Variants in ENPP3 observed in about 807,000 individuals in gnomAD.
The protein encoded by ENPP3 is ectonucleotide pyrophosphatase/phosphodiesterase 3, also known as ectonucleotide pyrophosphatase/phosphodiesterase family member 3.
In ENPP3, 104 loss-of-function variants were observed where a neutral mutation model predicts 117.8. The observed-to-expected ratio is 0.88, with a 90% CI of 0.75 to 1.04. The LOEUF (loss-of-function observed/expected upper bound fraction) is 1.04. Ranked by LOEUF, ENPP3 falls within the 50% of genes least tolerant of loss-of-function variation. ENPP3 has a pLI of 0.00. For synonymous variants in ENPP3, 380 were observed against 349.9 expected (o/e 1.09, Z -0.96); for missense variants, 1,026 against 1,051.9 (o/e 0.98, Z 0.34).
chr6:131,690,061 C>T (rs762066455), intron 14 of ENPP3, among the ~76,000 whole-genome samples: 12 of 152,078 alleles, frequency 7.9e-5, no homozygotes, highest in African/African-American at 2.4e-4. Context: ...GTAAAGAAAG[C>T]GGTTTCTTGA....
chr6:131,692,285 A>G (rs1284825834), intron 14 of ENPP3, among the ~76,000 whole-genome samples: 1 of 152,070 alleles, frequency 6.6e-6, no homozygotes, highest in Non-Finnish European at 1.5e-5. Flanking sequence ...TTTCTTTTAC[A>G]TAAATAGATA....
At position 131,737,531 on chromosome 6, in the gene ENPP3, A is replaced by G. The variant is rs544250470; in HGVS notation, c.2167+99A>G. 1.1e-5 allele frequency: 8 copies of G among 701,862 alleles called. No homozygotes were observed. The East Asian group carries it at 1.8e-4, about 16-fold the overall frequency. The allele number at this position is 701,862 out of a possible 1,614,324, so 43.5% of individuals were successfully genotyped here. ...TTTTTAATTGCAATTTGTTCCTGAT[A>G]TTAAGGGTCATTTTGTTCTAATGGT... On this transcript the variant is annotated intron_variant, in intron 22 of 24. Coordinates refer to ENST00000357639, the MANE Select transcript of ENPP3 (RefSeq NM_005021.5).
intron 14 of ENPP3, among the ~76,000 whole-genome samples, chr6:131,687,414 A>G (rs1779176266): frequency 1.3e-5 from 2 of 152,242 alleles, no homozygotes. Flanking sequence ...AAAATCCTGG[A>G]AGGCAACCTA....
At chr6:131,727,258 T>C (rs1227613491) in intron 20 of ENPP3, among the ~76,000 whole-genome samples, 1 of 151,832 alleles carries the variant, frequency 6.6e-6, no homozygotes, top group Non-Finnish European at 1.5e-5. Flanking sequence ...AAAATGTAAA[T>C]TAAAACAAAA....
rs77624986 is a variant in ENPP3, at chr6:131,708,917, T to C, written c.1413-9755T>C. On this transcript the variant is annotated intron_variant, in intron 15 of 24. Coordinates refer to ENST00000357639, the MANE Select transcript of ENPP3 (RefSeq NM_005021.5). ...TCCACTGGAAACAATGGACCGCTGA[T>C]TGGAGCAAGAGGTGGAGGAATAAGG... The C allele has an allele frequency of 5.3e-4, 854 of 1,605,820 alleles. 10 individuals carry two copies. The highest frequency in any genetic ancestry group is 1.0e-3 in the Middle Eastern group (6 of 6,026).
chr6:131,717,396 G>A (rs1055150862), intron 15 of ENPP3, among the ~76,000 whole-genome samples: 2 of 133,110 alleles, frequency 1.5e-5, no homozygotes, highest in Non-Finnish European at 3.1e-5. Flanking sequence ...GTGTGTGTGT[G>A]TGTGTGTGTA....
chr6:131,657,026 T>A (rs1318940061), intron 5 of ENPP3, among the ~76,000 whole-genome samples: 2 of 152,196 alleles, frequency 1.3e-5, no homozygotes, highest in Non-Finnish European at 2.9e-5. Flanking sequence ...TATTTATGAA[T>A]ATAAAGTTTT....
At chr6:131,657,412 G>T (rs1778409137) in intron 5 of ENPP3, among the ~76,000 whole-genome samples, 2 of 152,078 alleles carry the variant, frequency 1.3e-5, no homozygotes, top group South Asian at 2.1e-4. Context: ...TATGTAAATG[G>T]AGTTAAACCA....
intron 11 of ENPP3, 87 bp from the exon 12 acceptor site, chr6:131,682,967 A>G (rs1779057510): frequency 1.2e-6 from 1 of 809,320 alleles, no homozygotes; most frequent in African/African-American, 1.7e-5. Context: ...AGAGATGGAG[A>G]TGTGTTTAAT....
intron 14 of ENPP3, among the ~76,000 whole-genome samples, chr6:131,692,818 T>C (rs1181748850): frequency 6.9e-6 from 1 of 144,068 alleles, no homozygotes; most frequent in Non-Finnish European, 1.5e-5. Flanking sequence ...ATATATGATA[T>C]ATGATATGAT....
intron 12 of ENPP3, 136 bp from the exon 13 acceptor site, chr6:131,685,228 G>C (rs1299976559): frequency 2.6e-6 from 2 of 757,280 alleles, no homozygotes; most frequent in Non-Finnish European, 4.3e-6. Context: ...TAGAGTAATA[G>C]GGTGAATTGC....
intron 15 of ENPP3, chr6:131,710,962 A>C: frequency 6.4e-7 from 1 of 1,554,062 alleles, no homozygotes; most frequent in Non-Finnish European, 8.5e-7. Flanking sequence ...AACTCTGCCT[A>C]GCTCCTCCAG....
chr6:131,693,354 T>C (rs945024679), intron 14 of ENPP3, 143 bp from the exon 15 acceptor site: 3 of 648,418 alleles, frequency 4.6e-6, no homozygotes, highest in Non-Finnish European at 7.7e-6. Flanking sequence ...ACATTGATAA[T>C]AGGTTTAATA....
At chr6:131,738,397 A>G (rs544256239) in intron 23 of ENPP3, among the ~76,000 whole-genome samples, 21 of 152,298 alleles carry the variant, frequency 1.4e-4, no homozygotes, top group Non-Finnish European at 1.0e-4. Flanking sequence ...TTTATTTGGA[A>G]AATTGCTGAA....
At chr6:131,691,704 T>C (rs1779283872) in intron 14 of ENPP3, among the ~76,000 whole-genome samples, 1 of 152,128 alleles carries the variant, frequency 6.6e-6, no homozygotes, top group Non-Finnish European at 1.5e-5. Context: ...AGGTAGGTAG[T>C]GAGCCTCCGG....
chr6:131,724,896 T>C (rs1365725510), intron 19 of ENPP3, among the ~76,000 whole-genome samples: 1 of 151,962 alleles, frequency 6.6e-6, no homozygotes, highest in African/African-American at 2.4e-5. Flanking sequence ...ATTAATTGTG[T>C]TTTTTTCTAT....
At chr6:131,687,513 C>CAAAACAAAAAAAAAGCT (rs1779179238) in intron 14 of ENPP3, among the ~76,000 whole-genome samples, 1 of 152,010 alleles carries the variant, frequency 6.6e-6, no homozygotes, top group Non-Finnish European at 1.5e-5. Context: ...ATAGGTGAGA[C>CAAAACAAAAAAAAAGCT]CTAATTAAAC....
intron 23 of ENPP3, among the ~76,000 whole-genome samples, chr6:131,738,885 A>C (rs1460343527): frequency 6.6e-6 from 1 of 152,194 alleles, no homozygotes; most frequent in Non-Finnish European, 1.5e-5. Context: ...TATGACTACC[A>C]AGTGTGTGGC....
intron 5 of ENPP3, 40 bp from the exon 6 acceptor site, chr6:131,658,283 C>G: frequency 9.6e-7 from 1 of 1,045,196 alleles, no homozygotes. Flanking sequence ...GTAAATGTAG[C>G]TATCCAAAAC....
Sources: allele counts gnomAD v4.1 joint callset (sites outside exome capture counted in the v4.1 genomes callset), GRCh38; gene constraint gnomAD v4.1.1; transcripts MANE v1.5; gene names NCBI Gene and HGNC (gene_info 2026-07-23, HGNC 2026-07-21).